The following SAMD3 variants were observed in gnomAD, a reference collection of about 807,000 sequenced individuals.
SAMD3 encodes the protein sterile alpha motif domain containing 3, also known as sterile alpha motif domain-containing protein 3.
Under a neutral mutation model 58.5 loss-of-function variants are expected in SAMD3, and 63 were observed. That is an observed-to-expected ratio of 1.08 (90% CI 0.88 to 1.33). The LOEUF is 1.33. Among genes scored for constraint, SAMD3 ranks in the 40% most tolerant of loss-of-function variants. The pLI, the probability that SAMD3 is intolerant of heterozygous loss-of-function variation, is 0.00. For missense variants in SAMD3, 604 were observed against 608.4 expected, an observed-to-expected ratio of 0.99 and a Z score of 0.08; for synonymous variants, 220 against 210.3, an observed-to-expected ratio of 1.05 and a Z score of -0.40.
At chr6:130,179,120 C>T (rs1792026253) in intron 7 of SAMD3, among the ~76,000 whole-genome samples, 1 of 152,176 alleles carries the variant, frequency 6.6e-6, no homozygotes, top group African/African-American at 2.4e-5. Flanking sequence ...ACGGCTAGGA[C>T]ATTTTTAAAT....
At chr6:130,348,848 T>G (rs140084935) in intron 1 of SAMD3, among the ~76,000 whole-genome samples, 3,715 of 151,960 alleles carry the variant, frequency 0.024, 57 homozygotes, top group Non-Finnish European at 0.04. Context: ...CCTCAGCAAA[T>G]GTAAAAGAAC....
At chr6:130,183,298 C>G in intron 7 of SAMD3, 1 of 429,274 alleles carries the variant, frequency 2.3e-6, no homozygotes, top group Non-Finnish European at 4.5e-6. Flanking sequence ...GATCGCGCCA[C>G]TATACTCCAG....
chr6:130,345,714 A>G (rs1583136007), intron 1 of SAMD3, among the ~76,000 whole-genome samples: 1 of 152,276 alleles, frequency 6.6e-6, no homozygotes, highest in East Asian at 1.9e-4. Context: ...TCTAGGCCCC[A>G]TAACACAGCA....
intron 1 of SAMD3, among the ~76,000 whole-genome samples, chr6:130,326,389 C>T (rs1252067066): frequency 2.1e-5 from 2 of 93,382 alleles, no homozygotes; most frequent in East Asian, 4.5e-4. Context: ...TTTTTGCAAA[C>T]TTCTGCTCAT....
intron 1 of SAMD3, among the ~76,000 whole-genome samples, chr6:130,347,809 G>T (rs1267465080): frequency 6.6e-6 from 1 of 152,292 alleles, no homozygotes; most frequent in East Asian, 1.9e-4. Context: ...AGGAAAAAAT[G>T]TTAAGGGCAG....
chr6:130,201,178 C>A (rs375809712), intron 5 of SAMD3, among the ~76,000 whole-genome samples: 17 of 152,286 alleles, frequency 1.1e-4, no homozygotes, highest in Admixed American at 7.2e-4. Context: ...TTCCTCCTTT[C>A]ATTTTTCTCC....
intron 2 of SAMD3, among the ~76,000 whole-genome samples, chr6:130,235,208 T>C (rs1773104435): frequency 6.6e-6 from 1 of 152,234 alleles, no homozygotes; most frequent in Non-Finnish European, 1.5e-5. Context: ...CAGCTAAGTT[T>C]TTCTCTGATG....
At chr6:130,342,189 C>T (rs1777296008) in intron 1 of SAMD3, among the ~76,000 whole-genome samples, 1 of 152,090 alleles carries the variant, frequency 6.6e-6, no homozygotes, top group Non-Finnish European at 1.5e-5. Flanking sequence ...TCTCAAAAGA[C>T]CCTCTGTCTA....
At position 130,184,234 on chromosome 6, in the gene SAMD3, ATTCC is replaced by A. The variant is rs1792703266; in HGVS notation, c.570-51_570-48del. The A allele has an allele frequency of 2.1e-6, 3 of 1,441,506 alleles. No individual in the cohort carries two copies. The South Asian group carries it at 3.7e-5, about 18-fold the overall frequency. The allele number at this position is 1,441,506 out of a possible 1,614,324, so 89.3% of individuals were successfully genotyped here. On this transcript the variant is annotated intron_variant, in intron 6 of 11. Transcript: ENST00000439090. The stretch of plus-strand genomic sequence containing the variant: ...ATATGTTTCACTTCAAGCAAACCAC[ATTCC>A]TTCCTTTAAGATGAGTCTAATTACA...
chr6:130,209,494 C>T lies in SAMD3; in HGVS notation c.383+1G>A. ...AACTGTCTTAAAGTTGGTACCCCCA[C>T]CTCTGTTTCAATACTCTTTGGTCAA... On this transcript the variant is annotated splice_donor_variant, in intron 5 of 11. Coordinates refer to ENST00000439090, the MANE Select transcript of SAMD3 (RefSeq NM_001017373.4). LOFTEE classifies it high-confidence loss of function. 6.4e-7 allele frequency: 1 copy of T among 1,563,346 alleles called. No individual in the cohort carries two copies. Among genetic ancestry groups the T allele is most frequent in the Non-Finnish European group, 8.8e-7 (1 of 1,134,156 alleles).
intron 1 of SAMD3, among the ~76,000 whole-genome samples, chr6:130,222,043 G>T (rs1386450288): frequency 1.3e-5 from 2 of 152,164 alleles, no homozygotes; most frequent in Non-Finnish European, 2.9e-5. Flanking sequence ...GGCACAACTT[G>T]CCCTGTCATA....
chr6:130,329,972 C>G (rs1385721495), intron 1 of SAMD3, among the ~76,000 whole-genome samples: 1 of 152,062 alleles, frequency 6.6e-6, no homozygotes, highest in Non-Finnish European at 1.5e-5. Context: ...GCATGCAGGG[C>G]TTAAAACCTA....
At chr6:130,271,943 C>G (rs1334307448) in intron 2 of SAMD3, among the ~76,000 whole-genome samples, 1 of 152,192 alleles carries the variant, frequency 6.6e-6, no homozygotes, top group African/African-American at 2.4e-5. Flanking sequence ...ATTCAATTAC[C>G]TCCCACTGGG....
chr6:130,311,025 G>A (rs1535281), intron 2 of SAMD3, among the ~76,000 whole-genome samples: 44,747 of 151,740 alleles, frequency 0.29, 11,026 homozygotes, highest in African/African-American at 0.68. Flanking sequence ...TGGATGTATG[G>A]CTCCAGCGCT....
intron 7 of SAMD3, among the ~76,000 whole-genome samples, chr6:130,179,331 A>G (rs1792043262): frequency 6.6e-6 from 1 of 152,210 alleles, no homozygotes; most frequent in African/African-American, 2.4e-5. Context: ...TATTTATGTT[A>G]TAGAATAATC....
intron 2 of SAMD3, among the ~76,000 whole-genome samples, chr6:130,311,504 A>C (rs1008770572): frequency 6.6e-6 from 1 of 152,154 alleles, no homozygotes; most frequent in Admixed American, 6.6e-5. Flanking sequence ...AGGACCCTAC[A>C]TTTTTAAAAA....
At chr6:130,236,912 A>G (rs1562473741) in intron 2 of SAMD3, among the ~76,000 whole-genome samples, 1 of 152,210 alleles carries the variant, frequency 6.6e-6, no homozygotes, top group African/African-American at 2.4e-5. Context: ...TATGGTTACA[A>G]ACAGGAAACT....
intron 1 of SAMD3, among the ~76,000 whole-genome samples, chr6:130,334,789 C>A (rs1777050817): frequency 6.6e-6 from 1 of 152,164 alleles, no homozygotes; most frequent in East Asian, 1.9e-4. Context: ...GAATGAAAGC[C>A]CATGTTCCCC....
At chr6:130,250,454 T>G (rs1312590397) in intron 2 of SAMD3, among the ~76,000 whole-genome samples, 1 of 152,136 alleles carries the variant, frequency 6.6e-6, no homozygotes, top group African/African-American at 2.4e-5. Flanking sequence ...AACATGAAAT[T>G]TACCCATTGA....
Sources: allele counts gnomAD v4.1 joint callset (sites outside exome capture counted in the v4.1 genomes callset), GRCh38; gene constraint gnomAD v4.1.1; transcripts MANE v1.5; gene names NCBI Gene and HGNC (gene_info 2026-07-23, HGNC 2026-07-21).